Variants in TNFSF11 observed in about 807,000 individuals in gnomAD.
TNFSF11 encodes the protein TNF superfamily member 11.
In TNFSF11, 12 loss-of-function variants were observed where a neutral mutation model predicts 32.2. The ratio of observed to expected loss-of-function variants is 0.37; its 90% CI spans 0.24 to 0.60. TNFSF11 has a LOEUF of 0.60. Ranked by LOEUF, TNFSF11 falls within the 20% of genes least tolerant of loss-of-function variation. The probability of loss-of-function intolerance (pLI) is 0.66; values close to 1 mark genes in which losing one functional copy is unlikely to be tolerated. For missense variants in TNFSF11, 345 were observed against 398.0 expected, an observed-to-expected ratio of 0.87 and a Z score of 1.13; for synonymous variants, 172 against 152.1, an observed-to-expected ratio of 1.13 and a Z score of -0.96.
chr13:42,568,293 CT>C (rs1159847922), intron 2 of TNFSF11, among the ~76,000 whole-genome samples: 1 of 152,186 alleles, frequency 6.6e-6, no homozygotes, highest in Admixed American at 6.5e-5. Context: ...TTACTCTTCC[CT>C]CTGTTGAAGG....
chr13:42,584,635 C>A (rs1333161723), intron 2 of TNFSF11, among the ~76,000 whole-genome samples: 1 of 152,144 alleles, frequency 6.6e-6, no homozygotes, highest in East Asian at 1.9e-4. Flanking sequence ...ATGCCTCATT[C>A]CAAATGAGTA....
chr13:42,604,176 T>C (rs1378518930), intron 4 of TNFSF11, among the ~76,000 whole-genome samples: 1 of 152,162 alleles, frequency 6.6e-6, no homozygotes, highest in Admixed American at 6.5e-5. Flanking sequence ...AACAACAAAT[T>C]GACTGCAAGA....
Position 42,607,050 on chromosome 13 carries a change from A to G in TNFSF11, c.*132A>G, listed in dbSNP as rs1281892165. ...CCCAACGGTACACGACTCAGTATCC[A>G]TGCTCTTGACCTTGTAGAGAACACG... On this transcript the variant is annotated 3_prime_UTR_variant, in exon 5 of 5. Coordinates refer to ENST00000398795, the MANE Select transcript of TNFSF11 (RefSeq NM_003701.4). 1 of 1,159,930 alleles carries G rather than the reference A, an allele frequency of 8.6e-7. No homozygotes were observed. The highest frequency in any genetic ancestry group is 2.5e-5 in the East Asian group (1 of 40,612). The allele number at this position is 1,159,930 out of a possible 1,614,324, so 71.9% of individuals were successfully genotyped here.
intron 2 of TNFSF11, among the ~76,000 whole-genome samples, chr13:42,567,770 A>C (rs559246998): frequency 6.6e-6 from 1 of 152,238 alleles, no homozygotes; most frequent in Non-Finnish European, 1.5e-5. Context: ...CCAAATTGTA[A>C]ACAAGAGCTA....
chr13:42,598,893 G>A (rs1325833142), intron 2 of TNFSF11, among the ~76,000 whole-genome samples: 2 of 152,200 alleles, frequency 1.3e-5, no homozygotes, highest in Non-Finnish European at 2.9e-5. Flanking sequence ...CAGAAATTAG[G>A]CACCATTGAG....
At chr13:42,571,937 T>G (rs879918549), upstream of TNFSF11, among the ~76,000 whole-genome samples, 4 of 152,186 alleles carry the variant, frequency 2.6e-5, no homozygotes, top group African/African-American at 7.2e-5. Context: ...GCAGGCAACA[T>G]TTTTAGGAAA....
At chr13:42,602,161 G>A (rs1437499632) in intron 4 of TNFSF11, among the ~76,000 whole-genome samples, 1 of 152,156 alleles carries the variant, frequency 6.6e-6, no homozygotes, top group Non-Finnish European at 1.5e-5. Flanking sequence ...CCATTGTCCT[G>A]GCTCTGTGAC....
At chr13:42,595,628 C>T (rs1360812905) in intron 2 of TNFSF11, among the ~76,000 whole-genome samples, 6 of 152,296 alleles carry the variant, frequency 3.9e-5, no homozygotes, top group South Asian at 2.1e-4. Flanking sequence ...CACTTCTCTA[C>T]GCAAATCTAC....
At chr13:42,604,914 G>A (rs1869371564) in intron 4 of TNFSF11, among the ~76,000 whole-genome samples, 1 of 152,180 alleles carries the variant, frequency 6.6e-6, no homozygotes, top group Non-Finnish European at 1.5e-5. Context: ...CTCCTGAGTA[G>A]CTGGGATTAC....
upstream of TNFSF11, among the ~76,000 whole-genome samples, chr13:42,572,262 G>A (rs1873096589): frequency 6.6e-6 from 1 of 152,068 alleles, no homozygotes; most frequent in Non-Finnish European, 1.5e-5. Context: ...AGGGATTTGA[G>A]GGACTTTCTT....
intron 2 of TNFSF11, among the ~76,000 whole-genome samples, chr13:42,599,319 A>G (rs556973999): frequency 1.4e-5 from 2 of 139,776 alleles, no homozygotes; most frequent in Admixed American, 7.3e-5. Flanking sequence ...CTATCTATCT[A>G]TCTATCTATC....
intron 2 of TNFSF11, among the ~76,000 whole-genome samples, chr13:42,587,238 A>G (rs1018297456): frequency 6.6e-6 from 1 of 152,246 alleles, no homozygotes; most frequent in African/African-American, 2.4e-5. Flanking sequence ...CATCACTTCC[A>G]GTAGCATCAT....
chr13:42,566,319 TA>T (rs1872867605), intron 1 of TNFSF11, among the ~76,000 whole-genome samples: 3 of 152,160 alleles, frequency 2.0e-5, no homozygotes, highest in Admixed American at 2.0e-4. Flanking sequence ...TACCATTGCC[TA>T]AGACCCTTCT....
intron 2 of TNFSF11, among the ~76,000 whole-genome samples, chr13:42,593,952 T>G (rs1038300833): frequency 6.6e-6 from 1 of 152,170 alleles, no homozygotes; most frequent in African/African-American, 2.4e-5. Flanking sequence ...ATCACACAAT[T>G]CACATCACAA....
At position 42,574,315 on chromosome 13, in the gene TNFSF11, C is replaced by T. The variant is rs889727574; in HGVS notation, c.12C>T (p.Ala4=). ...GAGGGCCGAGCGCCATGCGCCGCGC[C>T]AGCAGAGACTACACCAAGTACCTGC... MRR[A]SRDYTKYLRG... The change falls in exon 1 of 5, where the codon GCC becomes GCT. Residue 4 remains alanine (A), a synonymous_variant. Coordinates refer to ENST00000398795, the MANE Select transcript of TNFSF11 (RefSeq NM_003701.4). The T allele has an allele frequency of 2.6e-6, 4 of 1,547,032 alleles. No homozygotes were observed. The highest frequency in any genetic ancestry group is 2.0e-5 in the Admixed American group (1 of 51,084).
At chr13:42,583,264 T>C (rs1177116968) in intron 2 of TNFSF11, among the ~76,000 whole-genome samples, 2 of 150,464 alleles carry the variant, frequency 1.3e-5, no homozygotes, top group Non-Finnish European at 3.0e-5. Context: ...GTAAAAAAAA[T>C]TAGCTGGGCA....
At position 42,577,061 on chromosome 13, in the gene TNFSF11, T is replaced by C. The variant is rs192593620; in HGVS notation, c.219+2539T>C. 7.2e-5 allele frequency among the ~76,000 whole-genome samples: 11 copies of C among 152,346 alleles called. No homozygotes were observed. In the East Asian group the frequency reaches 1.9e-3, roughly 27 times the overall value. ...ACCAAATAAATCAGTAGTTTTTTGA[T>C]TCCCACTAAAGTTGTGAATCAACTA... On this transcript the variant is annotated intron_variant, in intron 1 of 4. Transcript: ENST00000398795.
At chr13:42,592,788 C>G (rs1868569463) in intron 2 of TNFSF11, among the ~76,000 whole-genome samples, 1 of 152,120 alleles carries the variant, frequency 6.6e-6, no homozygotes, top group Admixed American at 6.5e-5. Flanking sequence ...GTGGTTCCCC[C>G]ATGCTGTTCT....
intron 2 of TNFSF11, among the ~76,000 whole-genome samples, chr13:42,598,220 G>A (rs1263441372): frequency 1.3e-5 from 2 of 152,116 alleles, no homozygotes; most frequent in Non-Finnish European, 2.9e-5. Context: ...GCTAGACTTA[G>A]TTCTGCTTCC....
Sources: gnomAD v4.1 joint callset for allele counts (sites outside exome capture counted in the v4.1 genomes callset) on GRCh38, gnomAD v4.1.1 for gene constraint, MANE v1.5 for transcripts, NCBI Gene and HGNC (gene_info 2026-07-23, HGNC 2026-07-21) for gene names.